Variants in IMMP2L observed in about 807,000 individuals in gnomAD.
The protein encoded by IMMP2L is mitochondrial inner membrane protease subunit 2.
Under a neutral mutation model 19.3 loss-of-function variants are expected in IMMP2L, and 18 were observed. The ratio of observed to expected loss-of-function variants is 0.93; its 90% CI spans 0.64 to 1.38. IMMP2L has a LOEUF of 1.38. Ranked by LOEUF, IMMP2L falls within the 40% of genes most tolerant of loss-of-function variation. IMMP2L has a pLI of 0.00. For synonymous variants in IMMP2L, 76 were observed against 73.0 expected (o/e 1.04, Z -0.21); for missense variants, 233 against 218.2 (o/e 1.07, Z -0.43).
At chr7:111,481,830 A>G (rs1454152943) in intron 3 of IMMP2L, among the ~76,000 whole-genome samples, 9 of 152,216 alleles carry the variant, frequency 5.9e-5, no homozygotes, top group Non-Finnish European at 4.4e-5. Flanking sequence ...ATTTAGACGT[A>G]GTGTTATCAA....
At chr7:111,370,715 C>T (rs368818623) in intron 3 of IMMP2L, among the ~76,000 whole-genome samples, 21 of 151,932 alleles carry the variant, frequency 1.4e-4, no homozygotes, top group African/African-American at 5.1e-4. Flanking sequence ...GACAAAAAGG[C>T]AGCATGTTAA....
chr7:110,845,813 G>C (rs1805599107), intron 5 of IMMP2L, among the ~76,000 whole-genome samples: 1 of 151,148 alleles, frequency 6.6e-6, no homozygotes, highest in Non-Finnish European at 1.5e-5. Flanking sequence ...AGGTAATTAG[G>C]TCATGAGAGT....
rs532098739 is a variant in IMMP2L, at chr7:111,109,302, C to T, written c.240-145737G>A. 2.6e-5 allele frequency among the ~76,000 whole-genome samples: 4 copies of T among 151,794 alleles called. No individual in the cohort carries two copies. In the South Asian group the frequency reaches 8.3e-4, roughly 32 times the overall value. Reference sequence around the variant, plus strand: ...AGGTTTCCAAGGTATGACGGAGGCACATCTCATACAAGAGCAAGAAAACCC... The same window carrying T: ...AGGTTTCCAAGGTATGACGGAGGCATATCTCATACAAGAGCAAGAAAACCC... On this transcript the variant is annotated intron_variant, in intron 3 of 5. Transcript: ENST00000405709.
At chr7:111,414,373 C>T (rs931050288) in intron 3 of IMMP2L, among the ~76,000 whole-genome samples, 2 of 151,790 alleles carry the variant, frequency 1.3e-5, no homozygotes, top group African/African-American at 4.9e-5. Context: ...CATGGAAAGA[C>T]ATGAAAGAGT....
chr7:111,424,403 A>G (rs1160811432), intron 3 of IMMP2L, among the ~76,000 whole-genome samples: 1 of 151,804 alleles, frequency 6.6e-6, no homozygotes, highest in Admixed American at 6.6e-5. Flanking sequence ...TGGTATGAAT[A>G]AAAGAGAGAG....
At chr7:111,497,517 T>TG (rs1199741982) in intron 2 of IMMP2L, among the ~76,000 whole-genome samples, 4 of 152,010 alleles carry the variant, frequency 2.6e-5, no homozygotes, top group African/African-American at 4.8e-5. Context: ...AATATATATT[T>TG]GGATATGTCT....
intron 3 of IMMP2L, among the ~76,000 whole-genome samples, chr7:111,330,608 G>A (rs1050425655): frequency 1.3e-5 from 2 of 151,660 alleles, no homozygotes; most frequent in African/African-American, 4.8e-5. Context: ...CCAGGCAAAT[G>A]AATTCAAACA....
intron 3 of IMMP2L, among the ~76,000 whole-genome samples, chr7:111,393,259 A>G (rs1409722353): frequency 6.6e-6 from 1 of 152,050 alleles, no homozygotes; most frequent in Admixed American, 6.6e-5. Context: ...TGGGAACTGG[A>G]AACAAAAAAA....
intron 3 of IMMP2L, among the ~76,000 whole-genome samples, chr7:111,323,582 G>A (rs1249055071): frequency 6.6e-6 from 1 of 152,064 alleles, no homozygotes; most frequent in Non-Finnish European, 1.5e-5. Flanking sequence ...AGTCAGTGTG[G>A]CGATTCCTCA....
chr7:111,336,511 T>G (rs1826423412), intron 3 of IMMP2L, among the ~76,000 whole-genome samples: 1 of 152,112 alleles, frequency 6.6e-6, no homozygotes, highest in South Asian at 2.1e-4. Context: ...GATCTCTCAA[T>G]ACTATCTTTC....
intron 3 of IMMP2L, among the ~76,000 whole-genome samples, chr7:111,422,512 G>A (rs1173591614): frequency 2.0e-5 from 3 of 151,654 alleles, no homozygotes; most frequent in African/African-American, 7.3e-5. Flanking sequence ...TCATGATTTG[G>A]CTCTCTGTTT....
chr7:111,142,344 G>GT (rs1803017051), intron 3 of IMMP2L, among the ~76,000 whole-genome samples: 1 of 4,986 alleles, frequency 2.0e-4, no homozygotes, highest in African/African-American at 3.4e-4. Flanking sequence ...AAAAAAAAAA[G>GT]AAAGAAAGAA....
At chr7:111,035,981 A>G (rs895655472) in intron 3 of IMMP2L, among the ~76,000 whole-genome samples, 3 of 152,198 alleles carry the variant, frequency 2.0e-5, no homozygotes, top group African/African-American at 7.2e-5. Flanking sequence ...TGTGAGGATT[A>G]GATGAGCTAA....
chr7:111,167,943 C>T, intron 3 of IMMP2L, among the ~76,000 whole-genome samples: 1 of 151,864 alleles, frequency 6.6e-6, no homozygotes, highest in East Asian at 1.9e-4. Flanking sequence ...TTTTGCAGAT[C>T]TCTGCCTACC....
At chr7:111,482,521 C>T (rs78461548) in intron 3 of IMMP2L, among the ~76,000 whole-genome samples, 48 of 152,230 alleles carry the variant, frequency 3.2e-4, no homozygotes, top group Middle Eastern at 6.8e-3. Context: ...ATTTCTCCCA[C>T]TCACACAGCT....
At chr7:111,061,739 TCCACAGTTCAG>T (rs201743813) in intron 3 of IMMP2L, among the ~76,000 whole-genome samples, 3,138 of 152,286 alleles carry the variant, frequency 0.021, 40 homozygotes, top group Middle Eastern at 0.041. Flanking sequence ...ACATCAATTC[TCCACAGTTCAG>T]CCAAAGTAAT....
chr7:111,353,508 T>C (rs1584765253), intron 3 of IMMP2L, among the ~76,000 whole-genome samples: 1 of 152,212 alleles, frequency 6.6e-6, no homozygotes, highest in Non-Finnish European at 1.5e-5. Context: ...CTATTTCATA[T>C]AGCTCAGCTG....
intron 3 of IMMP2L, among the ~76,000 whole-genome samples, chr7:110,987,479 A>T (rs779890599): frequency 2.0e-5 from 3 of 152,166 alleles, no homozygotes; most frequent in African/African-American, 7.2e-5. Flanking sequence ...GTTTCCTTGG[A>T]TTCTAATATT....
intron 5 of IMMP2L, among the ~76,000 whole-genome samples, chr7:110,691,424 A>C (rs1305017770): frequency 6.6e-6 from 1 of 152,130 alleles, no homozygotes; most frequent in Non-Finnish European, 1.5e-5. Context: ...ATTTATGACT[A>C]AGACACCTAA....
Sources: gnomAD v4.1 joint callset for allele counts (sites outside exome capture counted in the v4.1 genomes callset) on GRCh38, gnomAD v4.1.1 for gene constraint, MANE v1.5 for transcripts, NCBI Gene and HGNC (gene_info 2026-07-23, HGNC 2026-07-21) for gene names.